The following RRBP1 variants were observed in gnomAD, a reference collection of about 807,000 sequenced individuals.
RRBP1 encodes ribosome-binding protein 1.
In RRBP1, 94 loss-of-function variants were observed where a neutral mutation model predicts 165.2. That is an observed-to-expected ratio of 0.57 (90% confidence interval 0.48 to 0.68). RRBP1 has a LOEUF of 0.68. RRBP1 is among the 30% of genes least tolerant of loss of function. RRBP1 has a pLI of 0.00. For synonymous variants in RRBP1, 680 were observed against 714.5 expected, an observed-to-expected ratio of 0.95 and a Z score of 0.77; for missense variants, 1,676 against 1,763.0, an observed-to-expected ratio of 0.95 and a Z score of 0.88.
chr20:17,628,963 G>A (rs2036090079), intron 9 of RRBP1, among the ~76,000 whole-genome samples: 1 of 152,200 alleles, frequency 6.6e-6, no homozygotes, highest in South Asian at 2.1e-4. Flanking sequence ...CTGGCCAGAA[G>A]CATTCACCAT....
chr20:17,667,858 AG>A (rs1167760452), intron 2 of RRBP1, among the ~76,000 whole-genome samples: 2 of 152,220 alleles, frequency 1.3e-5, no homozygotes, highest in African/African-American at 4.8e-5. Flanking sequence ...CAGTCCTTAA[AG>A]CCCTGAGAAA....
chr20:17,633,768 G>A (rs2036197783), intron 7 of RRBP1, among the ~76,000 whole-genome samples, 155 bp from the exon 8 acceptor site: 1 of 152,224 alleles, frequency 6.6e-6, no homozygotes, highest in Non-Finnish European at 1.5e-5. Context: ...TCAGCTGTGT[G>A]GGGTTGGGCA....
chr20:17,618,994 T>C (rs1369544592), intron 19 of RRBP1: 2 of 352,910 alleles, frequency 5.7e-6, no homozygotes, highest in East Asian at 1.2e-4. Flanking sequence ...CAATCTGTCA[T>C]CCACGCTGGT....
At position 17,621,854 on chromosome 20, in the gene RRBP1, C is replaced by A; in HGVS notation, c.3240+1G>T. On this transcript the variant is annotated splice_donor_variant, in intron 14 of 24. Transcript: ENST00000377813. LOFTEE classifies it high-confidence loss of function. ...CCCCGGGAACCACCCTCCCCTCCTA[C>A]CTGTTGTGCCAAGACAGAGAGTTCT... 4 of 1,613,848 alleles carry A rather than the reference C, an allele frequency of 2.5e-6. No homozygotes were observed. Among genetic ancestry groups the A allele is most frequent in the Non-Finnish European group, 3.4e-6 (4 of 1,179,892 alleles).
rs1233701966 is a variant in RRBP1, at chr20:17,636,691, C to T, written c.2223G>A (p.Glu741=). The T allele has an allele frequency of 9.3e-6, 15 of 1,613,326 alleles. No homozygotes were observed. The highest frequency in any genetic ancestry group is 1.1e-5 in the Non-Finnish European group (13 of 1,180,034). ...AAEKAKAAAG[E]AKVKKQLVAR... ...CCACCAGCTGCTTTTTCACTTTGGCCTCCCCGGCTGCTGCTTTGGCCTTTT... is the reference window on the plus strand; with the variant it reads ...CCACCAGCTGCTTTTTCACTTTGGCTTCCCCGGCTGCTGCTTTGGCCTTTT... The change falls in exon 6 of 25, where the codon GAG becomes GAA. Residue 741 remains glutamate, a synonymous_variant. Coordinates refer to ENST00000377813, the MANE Select transcript of RRBP1 (RefSeq NM_001365613.2).
intron 20 of RRBP1, among the ~76,000 whole-genome samples, chr20:17,617,602 G>GC (rs1568750950): frequency 6.6e-6 from 1 of 152,230 alleles, no homozygotes; most frequent in African/African-American, 2.4e-5. Flanking sequence ...CCTGGGCCAT[G>GC]CCCCCGGGGC....
intron 6 of RRBP1, 108 bp downstream of exon 6, chr20:17,636,469 C>A: frequency 7.3e-7 from 1 of 1,368,076 alleles, no homozygotes; most frequent in African/African-American, 1.4e-5. Context: ...TGTGGGCATC[C>A]TCAACCCCCT....
chr20:17,672,319 C>G (rs2036993735), intron 2 of RRBP1, among the ~76,000 whole-genome samples: 1 of 152,212 alleles, frequency 6.6e-6, no homozygotes, highest in South Asian at 2.1e-4. Flanking sequence ...CATTTCCACT[C>G]AGGTTTATAT....
intron 13 of RRBP1, among the ~76,000 whole-genome samples, chr20:17,624,166 A>G (rs1481161015): frequency 6.6e-6 from 1 of 152,212 alleles, no homozygotes; most frequent in Non-Finnish European, 1.5e-5. Flanking sequence ...CTTGGAAAGG[A>G]GCAAGTGAAG....
chr20:17,627,021 C>T (rs1437174206), intron 11 of RRBP1, among the ~76,000 whole-genome samples: 1 of 152,326 alleles, frequency 6.6e-6, no homozygotes, highest in East Asian at 1.9e-4. Context: ...CTTGCTTGTA[C>T]ACACAGAACC....
At position 17,681,727 on chromosome 20, in the gene RRBP1, G is replaced by A. The variant is rs375002454; in HGVS notation, c.-99+301C>T. Reference sequence around the variant, plus strand: ...GCCCTGCCGGGAGGGAGGGAGGCAGGGAGCGGTCGCCACGTCGCGCCCGTC... The same window carrying A: ...GCCCTGCCGGGAGGGAGGGAGGCAGAGAGCGGTCGCCACGTCGCGCCCGTC... On this transcript the variant is annotated intron_variant, in intron 1 of 24. Transcript: ENST00000377813. 8.0e-5 allele frequency among the ~76,000 whole-genome samples: 12 copies of A among 150,620 alleles called. No individual in the cohort carries two copies. In the East Asian group the frequency reaches 1.2e-3, roughly 15 times the overall value.
At chr20:17,616,884 C>T (rs2035812085) in intron 20 of RRBP1, 45 bp from the exon 21 acceptor site, 1 of 1,439,758 alleles carries the variant, frequency 6.9e-7, no homozygotes. Flanking sequence ...GCCAGTCGCA[C>T]ACCCACCATG....
intron 21 of RRBP1, 32 bp from the exon 22 acceptor site, chr20:17,616,041 C>A: frequency 1.3e-6 from 2 of 1,586,844 alleles, no homozygotes; most frequent in South Asian, 1.1e-5. Flanking sequence ...AACCCGGCAG[C>A]CCGGTGAGGA....
intron 9 of RRBP1, among the ~76,000 whole-genome samples, chr20:17,629,184 G>T (rs185242578): frequency 5.3e-4 from 81 of 152,368 alleles, no homozygotes; most frequent in Middle Eastern, 3.4e-3. Flanking sequence ...GTAACCCCCA[G>T]TCCAGCCCAG....
intron 8 of RRBP1, among the ~76,000 whole-genome samples, chr20:17,631,581 G>A (rs1311956554): frequency 2.6e-5 from 4 of 152,268 alleles, no homozygotes; most frequent in Non-Finnish European, 4.4e-5. Context: ...AGCGGGTCCC[G>A]TGGCTGGGTG....
At chr20:17,649,274 G>C (rs1180870625) in intron 3 of RRBP1, among the ~76,000 whole-genome samples, 3 of 152,190 alleles carry the variant, frequency 2.0e-5, no homozygotes, top group Non-Finnish European at 2.9e-5. Context: ...AACTGCCGGC[G>C]AGAAGGGCAC....
At chr20:17,649,048 A>G (rs2036512284) in intron 3 of RRBP1, among the ~76,000 whole-genome samples, 1 of 152,172 alleles carries the variant, frequency 6.6e-6, no homozygotes, top group Non-Finnish European at 1.5e-5. Context: ...GCAGCTTCTC[A>G]CACTGATACT....
intron 11 of RRBP1, among the ~76,000 whole-genome samples, chr20:17,626,953 T>C (rs1229806578): frequency 6.6e-6 from 1 of 152,180 alleles, no homozygotes; most frequent in Non-Finnish European, 1.5e-5. Context: ...GGGTTCGCCA[T>C]TCTGGGTTGT....
chr20:17,627,455 G>A (rs751394259), intron 10 of RRBP1, 49 bp downstream of exon 10: 20 of 1,608,248 alleles, frequency 1.2e-5, no homozygotes, highest in Admixed American at 1.7e-5. Flanking sequence ...CCACCCACCT[G>A]CTAGATGGAG....
Sources: allele counts gnomAD v4.1 joint callset (sites outside exome capture counted in the v4.1 genomes callset), GRCh38; gene constraint gnomAD v4.1.1; transcripts MANE v1.5; gene names NCBI Gene and HGNC (gene_info 2026-07-23, HGNC 2026-07-21).